The following FMNL2 variants were observed in gnomAD, a reference collection of about 807,000 sequenced individuals.
FMNL2 encodes the protein formin like 2, also known as formin-like protein 2.
Under a neutral mutation model 130.2 loss-of-function variants are expected in FMNL2, and 51 were observed. The ratio of observed to expected loss-of-function variants is 0.39; its 90% CI spans 0.31 to 0.49. The LOEUF (loss-of-function observed/expected upper bound fraction) is 0.49. Ranked by LOEUF, FMNL2 falls within the 20% of genes least tolerant of loss-of-function variation. The pLI is 0.85. For synonymous variants in FMNL2, 465 were observed against 467.1 expected (o/e 1.00, Z 0.06); for missense variants, 977 against 1,316.2 (o/e 0.74, Z 3.99).
At chr2:152,489,902 T>C (rs916656692) in intron 1 of FMNL2, among the ~76,000 whole-genome samples, 1 of 152,206 alleles carries the variant, frequency 6.6e-6, no homozygotes, top group African/African-American at 2.4e-5. Context: ...ACTGAGAGTT[T>C]CTTAGTCGTA....
intron 20 of FMNL2, 143 bp from the exon 21 acceptor site, chr2:152,631,865 C>A: frequency 1.1e-6 from 1 of 878,392 alleles, no homozygotes; most frequent in South Asian, 2.1e-5. Context: ...CAAATGGAAT[C>A]CTGACCCTCC....
chr2:152,559,663 C>A (rs1023273303), intron 5 of FMNL2, among the ~76,000 whole-genome samples: 1 of 152,178 alleles, frequency 6.6e-6, no homozygotes, highest in Admixed American at 6.5e-5. Flanking sequence ...TGAGGATGAG[C>A]TGAGAGGAAC....
At chr2:152,582,401 T>G (rs1696844272) in intron 9 of FMNL2, among the ~76,000 whole-genome samples, 1 of 152,226 alleles carries the variant, frequency 6.6e-6, no homozygotes, top group African/African-American at 2.4e-5. Context: ...CTTGCTCCTT[T>G]ATTTGCATTG....
chr2:152,551,471 C>G lies in FMNL2; in HGVS notation c.359+2374C>G, dbSNP rs1284479836. Among the ~76,000 whole-genome samples the G allele has an allele frequency of 2.6e-5, 4 of 152,220 alleles. No individual in the cohort carries two copies. The East Asian group carries it at 7.7e-4, about 29-fold the overall frequency. ...TTGTCTGATTATATGCAACCAATCA[C>G]TAGCATAAACTTACGTGAAGTAAAA... On this transcript the variant is annotated intron_variant, in intron 4 of 25. Transcript: ENST00000288670.
chr2:152,632,255 C>A (rs1682225562), intron 21 of FMNL2, 118 bp downstream of exon 21: 5 of 1,350,590 alleles, frequency 3.7e-6, no homozygotes, highest in Non-Finnish European at 5.0e-6. Context: ...GCTAAGAAGT[C>A]AGACACACTG....
intron 2 of FMNL2, among the ~76,000 whole-genome samples, chr2:152,533,337 T>G (rs2577185): frequency 0.92 from 139,198 of 152,086 alleles, 63,864 homozygotes; most frequent in Admixed American, 0.96. Context: ...TTATCTAACT[T>G]TACCTCCAAC....
chr2:152,648,159 G>C lies in FMNL2; in HGVS notation c.*254G>C. 2.5e-6 allele frequency: 1 copy of C among 407,866 alleles called. No homozygotes were observed. Among genetic ancestry groups the C allele is most frequent in the East Asian group, 4.2e-5 (1 of 23,954 alleles). The allele number at this position is 407,866 out of a possible 1,614,324, so 25.3% of individuals were successfully genotyped here. ...TTTGATTAGGTATCTTTTTACACCA[G>C]TATGTTATTTTTAACCAAAATGTAA... On this transcript the variant is annotated 3_prime_UTR_variant, in exon 26 of 26. Transcript: ENST00000288670.
Position 152,614,762 on chromosome 2 carries a change from C to CAAAACAAAACAAAACAAAACAAAAA in FMNL2, c.1063-85_1063-84insCAAAACAAAACAAAACAAAAAAAAA, listed in dbSNP as rs1241290890. ...CATCTCAAAACAAAACAAAACAAAA[C>CAAAACAAAACAAAACAAAACAAAAA]AAAAAACAAAAAAGACAGACTCTTA... On this transcript the variant is annotated intron_variant, in intron 11 of 25. Coordinates refer to ENST00000288670, the MANE Select transcript of FMNL2 (RefSeq NM_052905.4). 334 of 1,419,300 alleles carry CAAAACAAAACAAAACAAAACAAAAA rather than the reference C, an allele frequency of 2.4e-4. 1 individual carries two copies. In the African/African-American group the frequency reaches 4.6e-3, roughly 20 times the overall value. The allele number at this position is 1,419,300 out of a possible 1,614,324, so 87.9% of individuals were successfully genotyped here.
intron 1 of FMNL2, among the ~76,000 whole-genome samples, chr2:152,474,170 C>T (rs1690014930): frequency 6.6e-6 from 1 of 152,164 alleles, no homozygotes; most frequent in Non-Finnish European, 1.5e-5. Context: ...AGCCACTGCA[C>T]CTGGCCCAAA....
At chr2:152,475,056 C>G (rs1392665896) in intron 1 of FMNL2, among the ~76,000 whole-genome samples, 1 of 152,148 alleles carries the variant, frequency 6.6e-6, no homozygotes, top group Non-Finnish European at 1.5e-5. Flanking sequence ...GTTTGCTTAT[C>G]TATAAAGGAG....
chr2:152,360,804 A>G (rs1214891693), intron 1 of FMNL2, among the ~76,000 whole-genome samples: 2 of 152,212 alleles, frequency 1.3e-5, no homozygotes, highest in African/African-American at 4.8e-5. Flanking sequence ...GATGTACTAC[A>G]TGATAATTAA....
chr2:152,626,842 G>A (rs1176178193), intron 17 of FMNL2, 115 bp downstream of exon 17: 3 of 1,166,302 alleles, frequency 2.6e-6, no homozygotes, highest in East Asian at 2.6e-5. Context: ...GATAAAAGCT[G>A]GAGCAATTTT....
At chr2:152,421,437 C>T (rs1041013516) in intron 1 of FMNL2, among the ~76,000 whole-genome samples, 1 of 152,172 alleles carries the variant, frequency 6.6e-6, no homozygotes. Context: ...TCAGTGCTAA[C>T]CTCTCTGGGG....
intron 6 of FMNL2, among the ~76,000 whole-genome samples, chr2:152,568,184 A>G (rs944717828): frequency 3.5e-5 from 5 of 143,448 alleles, no homozygotes; most frequent in Admixed American, 3.5e-4. Context: ...ACTTCAGGAC[A>G]TTACTGGGTG....
chr2:152,520,384 C>G (rs1230265227), intron 1 of FMNL2, among the ~76,000 whole-genome samples: 3 of 151,952 alleles, frequency 2.0e-5, no homozygotes, highest in African/African-American at 7.3e-5. Flanking sequence ...ATCCAGGGGT[C>G]AGGAGTTCAA....
intron 1 of FMNL2, among the ~76,000 whole-genome samples, chr2:152,509,647 G>A (rs1422820664): frequency 6.8e-6 from 1 of 146,110 alleles, no homozygotes; most frequent in Non-Finnish European, 1.5e-5. Flanking sequence ...TGAGATGTAA[G>A]TTTGATGGAG....
At chr2:152,469,642 C>T (rs1386854540) in intron 1 of FMNL2, among the ~76,000 whole-genome samples, 2 of 152,154 alleles carry the variant, frequency 1.3e-5, no homozygotes, top group Admixed American at 6.5e-5. Context: ...CCTTATGCTC[C>T]GCTTGGAGAG....
At chr2:152,511,686 C>T (rs1692503356) in intron 1 of FMNL2, among the ~76,000 whole-genome samples, 1 of 152,042 alleles carries the variant, frequency 6.6e-6, no homozygotes, top group Admixed American at 6.6e-5. Flanking sequence ...TAATCGTTTC[C>T]AGAGTGACTG....
intron 1 of FMNL2, among the ~76,000 whole-genome samples, chr2:152,382,036 TG>T (rs1401629215): frequency 3.9e-5 from 6 of 152,122 alleles, no homozygotes; most frequent in African/African-American, 1.4e-4. Flanking sequence ...TGGGTTCAAG[TG>T]ATTTGCCCGC....
Sources: gnomAD v4.1 joint callset for allele counts (sites outside exome capture counted in the v4.1 genomes callset) on GRCh38, gnomAD v4.1.1 for gene constraint, MANE v1.5 for transcripts, NCBI Gene and HGNC (gene_info 2026-07-23, HGNC 2026-07-21) for gene names.